Variants in ATG10 observed in about 807,000 individuals in gnomAD.
ATG10 encodes ubiquitin-like-conjugating enzyme ATG10.
Under a neutral mutation model 32.1 loss-of-function variants are expected in ATG10, and 30 were observed. The observed-to-expected ratio is 0.94, with a 90% confidence interval of 0.70 to 1.27. The LOEUF is 1.27. ATG10 is among the 50% of genes most tolerant of loss of function. The pLI is 0.00. For missense variants in ATG10, 233 were observed against 262.3 expected (o/e 0.89, Z 0.77); for synonymous variants, 87 against 91.5 (o/e 0.95, Z 0.28).
chr5:81,993,074 G>A lies in ATG10; in HGVS notation c.108+5396G>A, dbSNP rs571654362. Among the ~76,000 whole-genome samples the A allele has an allele frequency of 2.0e-5, 3 of 152,244 alleles. No individual in the cohort carries two copies. In the South Asian group the frequency reaches 6.2e-4, roughly 32 times the overall value. On this transcript the variant is annotated intron_variant, in intron 2 of 7. Coordinates refer to ENST00000282185, the MANE Select transcript of ATG10 (RefSeq NM_031482.5). ...CCATGATGGTCTGTCAGATATTAAA[G>A]ATAGTGGTTAAGAGCATGGTCTTCA...
chr5:81,991,209 A>G (rs1437330432), intron 2 of ATG10, among the ~76,000 whole-genome samples: 2 of 152,200 alleles, frequency 1.3e-5, no homozygotes, highest in African/African-American at 4.8e-5. Flanking sequence ...TCGCTTGGTT[A>G]TATCCTTAAA....
chr5:82,165,941 A>G (rs895460738), intron 4 of ATG10, among the ~76,000 whole-genome samples: 1 of 152,230 alleles, frequency 6.6e-6, no homozygotes, highest in South Asian at 2.1e-4. Flanking sequence ...AGTATTCACC[A>G]TAAGCAGTTA....
Position 82,162,154 on chromosome 5 carries a change from AGTT to A in ATG10, c.217-2244_217-2242del, listed in dbSNP as rs1255922749. Among the ~76,000 whole-genome samples, 20 of 152,248 alleles carry A rather than the reference AGTT, an allele frequency of 1.3e-4. No individual in the cohort carries two copies. In the East Asian group the frequency reaches 3.9e-3, roughly 29 times the overall value. The stretch of plus-strand genomic sequence containing the variant: ...GCAGACATATATATTTATCTCTAAT[AGTT>A]ATTATTTCCGATGTACAAAGAGTTT... On this transcript the variant is annotated intron_variant, in intron 3 of 7. Coordinates refer to ENST00000282185, the MANE Select transcript of ATG10 (RefSeq NM_031482.5).
chr5:82,197,157 T>G (rs573582369), intron 5 of ATG10, among the ~76,000 whole-genome samples: 1 of 152,344 alleles, frequency 6.6e-6, no homozygotes, highest in South Asian at 2.1e-4. Flanking sequence ...GATGCTGTTG[T>G]GAATGAAATT....
At chr5:82,199,662 TA>T (rs1561353622) in intron 5 of ATG10, among the ~76,000 whole-genome samples, 3 of 152,216 alleles carry the variant, frequency 2.0e-5, no homozygotes, top group African/African-American at 7.2e-5. Flanking sequence ...AACATTATTT[TA>T]AAAAATTTAC....
intron 5 of ATG10, among the ~76,000 whole-genome samples, chr5:82,189,277 T>G (rs1263140944): frequency 1.3e-5 from 2 of 152,196 alleles, no homozygotes; most frequent in Non-Finnish European, 2.9e-5. Flanking sequence ...ATTTTGAGCT[T>G]TCTAAAATAA....
At position 82,253,396 on chromosome 5, in the gene ATG10, A is replaced by G. The variant is rs748997010; in HGVS notation, c.634A>G (p.Thr212Ala). The change falls in exon 7 of 8, where the codon ACG becomes GCG. Residue 212 changes from threonine to alanine, a missense_variant. Physicochemically the swap from Thr to Ala is moderately conservative, Grantham distance 58 (BLOSUM62 0). Transcript: ENST00000282185. ...LNLPLSYAKA[T>A]SQDERNVP is the part of the protein sequence containing the mutation. ...TCTACCTCTGAGTTATGCCAAAGCA[A>G]CGTCTCAGGATGAACGAAATGTCCC... 6.2e-7 allele frequency: 1 copy of G among 1,607,622 alleles called. No homozygotes were observed. The highest frequency in any genetic ancestry group is 1.7e-5 in the Admixed American group (1 of 60,008).
At chr5:82,181,340 A>G (rs1744224988) in intron 5 of ATG10, among the ~76,000 whole-genome samples, 2 of 152,160 alleles carry the variant, frequency 1.3e-5, no homozygotes, top group Admixed American at 6.6e-5. Flanking sequence ...TTACAGACCA[A>G]GTAGGGGAAA....
intron 3 of ATG10, among the ~76,000 whole-genome samples, chr5:82,137,534 C>T (rs1434588456): frequency 6.6e-6 from 1 of 152,178 alleles, no homozygotes; most frequent in African/African-American, 2.4e-5. Context: ...TCCTGGTTAT[C>T]ACCAGCGGAG....
chr5:82,118,402 A>ATATATG (rs1309574936), intron 3 of ATG10, among the ~76,000 whole-genome samples: 5 of 136,364 alleles, frequency 3.7e-5, no homozygotes, highest in South Asian at 2.3e-4. Context: ...ATATATATAT[A>ATATATG]TATGTATGTA....
intron 2 of ATG10, among the ~76,000 whole-genome samples, chr5:81,996,630 G>A (rs1327716620): frequency 6.6e-6 from 1 of 152,136 alleles, no homozygotes; most frequent in Non-Finnish European, 1.5e-5. Flanking sequence ...ACATCAAAAG[G>A]ACTATGCATC....
intron 5 of ATG10, among the ~76,000 whole-genome samples, chr5:82,251,468 C>G (rs1475534473): frequency 6.6e-6 from 1 of 152,184 alleles, no homozygotes; most frequent in East Asian, 1.9e-4. Context: ...TTCAGCTTTT[C>G]TAGGTTAGTT....
At chr5:82,101,086 T>TA (rs1765255753) in intron 3 of ATG10, among the ~76,000 whole-genome samples, 1 of 152,150 alleles carries the variant, frequency 6.6e-6, no homozygotes, top group African/African-American at 2.4e-5. Context: ...TTTCAAATAT[T>TA]AAAAACTTAT....
chr5:82,043,597 G>T (rs1763150663), intron 2 of ATG10, among the ~76,000 whole-genome samples: 1 of 152,194 alleles, frequency 6.6e-6, no homozygotes, highest in Non-Finnish European at 1.5e-5. Context: ...TTAAATATAA[G>T]TTTTAATTTC....
At chr5:82,069,384 A>AT (rs1366961242) in intron 3 of ATG10, among the ~76,000 whole-genome samples, 5 of 152,210 alleles carry the variant, frequency 3.3e-5, no homozygotes, top group Non-Finnish European at 7.3e-5. Context: ...ACAATGGCTT[A>AT]TATAGCCCCT....
intron 3 of ATG10, among the ~76,000 whole-genome samples, chr5:82,139,267 G>T (rs377428877): frequency 2.0e-5 from 3 of 149,476 alleles, no homozygotes; most frequent in Non-Finnish European, 4.4e-5. Flanking sequence ...CCACCACCCC[G>T]TCTGGGAAGT....
intron 2 of ATG10, among the ~76,000 whole-genome samples, chr5:82,024,209 T>C (rs1230258575): frequency 6.6e-6 from 1 of 152,202 alleles, no homozygotes; most frequent in Admixed American, 6.5e-5. Flanking sequence ...GTATCCCAAG[T>C]GGCTCTTTCA....
At chr5:82,206,962 A>G (rs948032870) in intron 5 of ATG10, among the ~76,000 whole-genome samples, 1 of 152,150 alleles carries the variant, frequency 6.6e-6, no homozygotes, top group African/African-American at 2.4e-5. Context: ...ATGTTGTTCC[A>G]TGTAGTAGGA....
intron 4 of ATG10, among the ~76,000 whole-genome samples, chr5:82,175,343 A>G (rs1743971242): frequency 6.6e-6 from 1 of 152,090 alleles, no homozygotes. Context: ...ATGGAGTCTC[A>G]CTTTGTTGCC....
Sources: allele counts gnomAD v4.1 joint callset (sites outside exome capture counted in the v4.1 genomes callset), GRCh38; gene constraint gnomAD v4.1.1; transcripts MANE v1.5; gene names NCBI Gene and HGNC (gene_info 2026-07-23, HGNC 2026-07-21).